Variants in COL9A1 observed in about 807,000 individuals in gnomAD.
COL9A1 encodes collagen alpha-1(IX) chain.
In COL9A1, 104 loss-of-function variants were observed where a neutral mutation model predicts 142.6. The ratio of observed to expected loss-of-function variants is 0.73; its 90% CI spans 0.62 to 0.86. The LOEUF (loss-of-function observed/expected upper bound fraction) is 0.86, where lower values mean the gene tolerates loss of function less well. Ranked by LOEUF, COL9A1 falls within the 40% of genes least tolerant of loss-of-function variation. The pLI is 0.00. For synonymous variants in COL9A1, 466 were observed against 396.0 expected (o/e 1.18, Z -2.10); for missense variants, 1,210 against 1,176.6 (o/e 1.03, Z -0.42).
At chr6:70,274,937 G>A in intron 10 of COL9A1, 165 bp from the exon 11 acceptor site, 2 of 621,544 alleles carry the variant, frequency 3.2e-6, no homozygotes, top group Non-Finnish European at 5.6e-6. Flanking sequence ...CAAAAGTAAA[G>A]ATTAACAGAA....
chr6:70,300,823 T>G (rs1026792743), intron 2 of COL9A1, among the ~76,000 whole-genome samples: 2 of 152,176 alleles, frequency 1.3e-5, no homozygotes, highest in African/African-American at 4.8e-5. Context: ...AAATGTTCCT[T>G]AAACACCACA....
At chr6:70,267,457 G>T (rs1033955567) in intron 17 of COL9A1, among the ~76,000 whole-genome samples, 2 of 151,630 alleles carry the variant, frequency 1.3e-5, no homozygotes, top group African/African-American at 4.8e-5. Flanking sequence ...CGAGTAGCTG[G>T]GATTACAGGC....
intron 5 of COL9A1, among the ~76,000 whole-genome samples, chr6:70,285,222 G>A (rs1425734976): frequency 6.6e-6 from 1 of 152,232 alleles, no homozygotes; most frequent in Non-Finnish European, 1.5e-5. Flanking sequence ...GGAATGAAAT[G>A]TAATTCATCT....
intron 33 of COL9A1, among the ~76,000 whole-genome samples, chr6:70,237,631 C>A (rs1488867186): frequency 1.3e-5 from 2 of 152,190 alleles, no homozygotes; most frequent in African/African-American, 2.4e-5. Context: ...AGCTTGAATT[C>A]TTTCTATTGA....
At chr6:70,287,713 CT>C (rs1268194928) in intron 5 of COL9A1, among the ~76,000 whole-genome samples, 1 of 152,188 alleles carries the variant, frequency 6.6e-6, no homozygotes, top group Admixed American at 6.5e-5. Context: ...AGATCACTCT[CT>C]TTGATTTCTA....
chr6:70,226,042 C>G, intron 36 of COL9A1, 33 bp from the exon 37 acceptor site: 1 of 1,485,220 alleles, frequency 6.7e-7, no homozygotes, highest in Non-Finnish European at 9.3e-7. Flanking sequence ...TATTTTTCTA[C>G]ATATCTATAA....
chr6:70,280,352 C>T (rs572497411), intron 10 of COL9A1: 49 of 1,183,178 alleles, frequency 4.1e-5, no homozygotes, highest in Admixed American at 2.5e-4. Flanking sequence ...TGGCCCTTTG[C>T]CTACCTGCAG....
At chr6:70,269,050 T>C (rs1183323218) in intron 16 of COL9A1, among the ~76,000 whole-genome samples, 190 bp from the exon 17 acceptor site, 2 of 152,150 alleles carry the variant, frequency 1.3e-5, no homozygotes, top group African/African-American at 4.8e-5. Context: ...GCCAGAAATA[T>C]TTCTAGCTAA....
chr6:70,270,090 A>G (rs1772294484), intron 15 of COL9A1, among the ~76,000 whole-genome samples: 1 of 152,258 alleles, frequency 6.6e-6, no homozygotes, highest in South Asian at 2.1e-4. Flanking sequence ...CTTCAAAAGT[A>G]ATGAGTAAGA....
intron 18 of COL9A1, among the ~76,000 whole-genome samples, chr6:70,266,106 T>G (rs1771993625): frequency 6.6e-6 from 1 of 152,198 alleles, no homozygotes; most frequent in African/African-American, 2.4e-5. Flanking sequence ...ATATGTTACC[T>G]TGCTTTAAAT....
intron 10 of COL9A1, chr6:70,279,698 G>T (rs1424566377): frequency 2.2e-5 from 5 of 224,916 alleles, no homozygotes; most frequent in Non-Finnish European, 2.5e-5. Flanking sequence ...ACGCTAAATA[G>T]TATAGACACA....
At chr6:70,250,532 C>G (rs16868820) in intron 28 of COL9A1, among the ~76,000 whole-genome samples, 6,936 of 152,202 alleles carry the variant, frequency 0.046, 329 homozygotes, top group East Asian at 0.14. Context: ...GCTGCAGAAA[C>G]CTCAGGAAAC....
chr6:70,230,182 C>G (rs1769460466), intron 36 of COL9A1, among the ~76,000 whole-genome samples: 1 of 152,100 alleles, frequency 6.6e-6, no homozygotes, highest in African/African-American at 2.4e-5. Flanking sequence ...CAGCTGTAAC[C>G]CCTTGGATAT....
Position 70,216,684 on chromosome 6 carries a change from G to C in COL9A1, c.*213C>G. 3.4e-6 allele frequency: 2 copies of C among 583,664 alleles called. No individual in the cohort carries two copies. Among genetic ancestry groups the C allele is most frequent in the African/African-American group, 1.9e-5 (1 of 52,902 alleles). 36.2% of individuals were successfully genotyped at this position (583,664 alleles called of 1,614,324 possible). A position where few individuals can be genotyped will look rare whatever the true frequency, so the allele number is the denominator to read the frequency against. On this transcript the variant is annotated 3_prime_UTR_variant, in exon 38 of 38. Coordinates refer to ENST00000357250, the MANE Select transcript of COL9A1 (RefSeq NM_001851.6). Reference sequence around the variant, plus strand: ...TTTTTTTTTAACTGATGACTCTGCTGTCTTCCCTCCAAGGGAAAGGAAAGA... The same window carrying C: ...TTTTTTTTTAACTGATGACTCTGCTCTCTTCCCTCCAAGGGAAAGGAAAGA...
At chr6:70,300,271 G>C (rs1774012265) in intron 3 of COL9A1, 38 bp downstream of exon 3, 2 of 1,604,164 alleles carry the variant, frequency 1.2e-6, no homozygotes. Context: ...CAGGTTTATA[G>C]AAAGCATGCA....
intron 37 of COL9A1, chr6:70,222,929 ATAT>A (rs1768980732): frequency 6.6e-6 from 1 of 152,166 alleles, no homozygotes; most frequent in African/African-American, 2.4e-5. Flanking sequence ...AGTCCTATTA[ATAT>A]TATGTTTTTG....
intron 28 of COL9A1, among the ~76,000 whole-genome samples, chr6:70,243,114 C>T (rs1012462777): frequency 6.6e-6 from 1 of 152,192 alleles, no homozygotes. Context: ...GTCTACAGAA[C>T]ATTTCAAAGC....
rs1232967418 is a variant in COL9A1 at position 70,270,001 on chromosome 6, G to A, written c.1197+313C>T. ...AATTTTTCTTACTATGAAAACCTTT[G>A]TAAAAACTAGTTCATTTGAAAATGC... On this transcript the variant is annotated intron_variant, in intron 15 of 37. Coordinates refer to ENST00000357250, the MANE Select transcript of COL9A1 (RefSeq NM_001851.6). 2.6e-5 allele frequency among the ~76,000 whole-genome samples: 4 copies of A among 152,068 alleles called. No homozygotes were observed. In the East Asian group the frequency reaches 7.7e-4, roughly 29 times the overall value.
intron 4 of COL9A1, among the ~76,000 whole-genome samples, chr6:70,299,532 G>T (rs550000516): frequency 2.0e-5 from 3 of 152,146 alleles, no homozygotes; most frequent in Non-Finnish European, 4.4e-5. Flanking sequence ...GTGAAGTGGA[G>T]GATTTGATGT....
Sources: allele counts gnomAD v4.1 joint callset (sites outside exome capture counted in the v4.1 genomes callset), GRCh38; gene constraint gnomAD v4.1.1; transcripts MANE v1.5; gene names NCBI Gene and HGNC (gene_info 2026-07-23, HGNC 2026-07-21).